The following SLC2A14 variants were observed in gnomAD, a reference collection of about 807,000 sequenced individuals.
The protein encoded by SLC2A14 is solute carrier family 2, facilitated glucose transporter member 14.
A neutral mutation model predicts 43.0 loss-of-function variants in SLC2A14; 13 were observed. That is an observed-to-expected ratio of 0.30 (90% CI 0.20 to 0.48). The LOEUF (loss-of-function observed/expected upper bound fraction) is 0.48. Ranked by LOEUF, SLC2A14 falls within the 20% of genes least tolerant of loss-of-function variation. The probability of loss-of-function intolerance (pLI) is 0.99; values close to 1 mark genes in which losing one functional copy is unlikely to be tolerated. For missense variants in SLC2A14, 428 were observed against 620.4 expected (o/e 0.69, Z 3.29); for synonymous variants, 190 against 233.8 (o/e 0.81, Z 1.71).
At chr12:7,821,410 T>C in intron 7 of SLC2A14, 85 bp from the exon 8 acceptor site, 2 of 1,248,396 alleles carry the variant, frequency 1.6e-6, no homozygotes, top group Non-Finnish European at 2.3e-6. Context: ...AGGCTGAGCG[T>C]GGTTGCACAG....
chr12:7,883,135 G>T (rs1945617500), intron 1 of SLC2A14, among the ~76,000 whole-genome samples: 1 of 151,790 alleles, frequency 6.6e-6, no homozygotes, highest in Non-Finnish European at 1.5e-5. Context: ...CTGGAACCCA[G>T]AAGTCAGAGG....
upstream of SLC2A14, among the ~76,000 whole-genome samples, chr12:7,877,468 C>T (rs1003866313): frequency 1.3e-5 from 2 of 151,788 alleles, no homozygotes; most frequent in South Asian, 2.1e-4. Flanking sequence ...CCTTGTTGCC[C>T]GGGCTAGAAT....
chr12:7,841,984 A>T (rs1337818552), intron 2 of SLC2A14, among the ~76,000 whole-genome samples: 1 of 151,818 alleles, frequency 6.6e-6, no homozygotes, highest in Non-Finnish European at 1.5e-5. Context: ...CAGCCTGGGC[A>T]ACAAGAGCGA....
chr12:7,883,263 CTT>C (rs372464881), intron 1 of SLC2A14, among the ~76,000 whole-genome samples: 43,523 of 107,162 alleles, frequency 0.41, 8,026 homozygotes, highest in Middle Eastern at 0.53. Flanking sequence ...TTCTTTCTTT[CTT>C]TTTTTTTTTT....
At chr12:7,855,892 C>T (rs1394513330) in intron 2 of SLC2A14, among the ~76,000 whole-genome samples, 1 of 152,084 alleles carries the variant, frequency 6.6e-6, no homozygotes, top group Non-Finnish European at 1.5e-5. Context: ...GCCTCAGCCT[C>T]CCAAAGTGCT....
chr12:7,824,851 C>T (rs941916807), intron 7 of SLC2A14, among the ~76,000 whole-genome samples: 37 of 151,858 alleles, frequency 2.4e-4, no homozygotes, highest in Non-Finnish European at 1.3e-4. Flanking sequence ...GCATCCACCA[C>T]GCCCGGCTAA....
intron 1 of SLC2A14, chr12:7,890,899 T>C: frequency 7.3e-7 from 1 of 1,371,066 alleles, no homozygotes; most frequent in Non-Finnish European, 9.7e-7. Context: ...CTGTGCTGAT[T>C]AAGAGAGACA....
At chr12:7,881,764 C>T (rs1273270823) in intron 1 of SLC2A14, among the ~76,000 whole-genome samples, 6 of 152,266 alleles carry the variant, frequency 3.9e-5, no homozygotes, top group South Asian at 4.1e-4. Flanking sequence ...CTTGGAGAAC[C>T]TTTATGTCTA....
intron 1 of SLC2A14, among the ~76,000 whole-genome samples, chr12:7,886,272 C>T (rs546282110): frequency 4.8e-4 from 72 of 150,084 alleles, no homozygotes; most frequent in Non-Finnish European, 8.6e-4. Context: ...AAGGATCCTC[C>T]CACCTCAGCC....
rs1337972309 is a variant in SLC2A14 at position 7,830,001 on chromosome 12, T to C, written c.278A>G (p.Asn93Ser). 6.2e-7 allele frequency: 1 copy of C among 1,614,182 alleles called. No individual in the cohort carries two copies. The highest frequency in any genetic ancestry group is 1.1e-5 in the South Asian group (1 of 91,076). ...GLFVNRFGRR[N>S]SMLIVNLLAA... ...CAACAGGTTGACAATCAGCATTGAA[T>C]TGCGCCTGTAAGGTTAATCAAAGAC... is the stretch of plus-strand genomic sequence containing the variant. Residue 93 changes from asparagine (N) to serine (S), a missense_variant, in exon 5 of 11, where the codon AAT (asparagine) becomes AGT (serine). Asn to Ser is a conservative substitution (Grantham distance 46). Around this residue, in one of 4 missense-constraint regions of SLC2A14, gnomAD observed 122 missense variants for 128.8 expected, o/e 0.95. Transcript: ENST00000431042.
rs575277928 is a variant in SLC2A14, at chr12:7,821,827, T to TTC, written c.865-503_865-502insGA. 6.0e-3 allele frequency among the ~76,000 whole-genome samples: 871 copies of TTC among 144,522 alleles called. 5 individuals are homozygous for TTC. Among genetic ancestry groups the TTC allele is most frequent in the Middle Eastern group, 0.035 (10 of 284 alleles). 94.8% of individuals were successfully genotyped at this position (144,522 alleles called of 152,430 possible). The stretch of plus-strand genomic sequence containing the variant: ...CCAGCTAATTTTTGTATTTCTTTCT[T>TTC]TTTTTTTTTTTTTTTGAGATGGAGT... On this transcript the variant is annotated intron_variant, in intron 7 of 10. Coordinates refer to ENST00000431042, the MANE Select transcript of SLC2A14 (RefSeq NM_001286234.2).
upstream of SLC2A14, chr12:7,873,003 C>G (rs910398094): frequency 6.1e-6 from 6 of 985,486 alleles, no homozygotes; most frequent in African/African-American, 1.0e-4. Flanking sequence ...CCTCCGTAAG[C>G]AAGACAAGCA....
chr12:7,874,799 A>AC (rs200733431), upstream of SLC2A14, among the ~76,000 whole-genome samples: 68,557 of 100,326 alleles, frequency 0.68, 26,433 homozygotes, highest in East Asian at 0.89. Flanking sequence ...ATATATAAAT[A>AC]ATATATAAAT....
chr12:7,884,842 AAAAT>A (rs1261884804), intron 1 of SLC2A14, among the ~76,000 whole-genome samples: 1 of 152,178 alleles, frequency 6.6e-6, no homozygotes, highest in Non-Finnish European at 1.5e-5. Flanking sequence ...CTAGGAGTTA[AAAAT>A]AAATCCCTTT....
At chr12:7,832,108 A>AAAAC (rs974092235) in intron 3 of SLC2A14, among the ~76,000 whole-genome samples, 15 of 152,242 alleles carry the variant, frequency 9.9e-5, no homozygotes, top group African/African-American at 2.7e-4. Flanking sequence ...ACTACATCTC[A>AAAAC]AAACAAACAA....
intron 7 of SLC2A14, 47 bp from the exon 8 acceptor site, chr12:7,821,372 C>G (rs1287376186): frequency 2.0e-6 from 3 of 1,507,798 alleles, no homozygotes; most frequent in Non-Finnish European, 2.8e-6. Flanking sequence ...CTGCACACCA[C>G]TTACACAGAA....
chr12:7,834,646 C>G (rs1865296768), intron 2 of SLC2A14, among the ~76,000 whole-genome samples: 1 of 149,960 alleles, frequency 6.7e-6, no homozygotes, highest in African/African-American at 2.5e-5. Flanking sequence ...GTGGGAGGAT[C>G]ACTTGAGCCC....
At chr12:7,862,423 G>C (rs934485739) in intron 2 of SLC2A14, among the ~76,000 whole-genome samples, 4 of 152,068 alleles carry the variant, frequency 2.6e-5, no homozygotes, top group South Asian at 4.1e-4. Context: ...GCCTTCCCAC[G>C]GGGCAGGGCT....
rs141777519 is a variant in SLC2A14, at chr12:7,867,789, G to A, written c.18+2074C>T. Among the ~76,000 whole-genome samples, 106 of 150,238 alleles carry A rather than the reference G, an allele frequency of 7.1e-4. 1 individual carries two copies. In the East Asian group the frequency reaches 0.018, roughly 26 times the overall value. ...GAACCTGGGAGGTGGAGGTTGCAGT[G>A]AGCCGAGATCGTTCCACTGCACTCC... On this transcript the variant is annotated intron_variant, in intron 2 of 10. Transcript: ENST00000431042.
Sources: gnomAD v4.1 joint callset for allele counts (sites outside exome capture counted in the v4.1 genomes callset) on GRCh38, gnomAD v4.1.1 for gene constraint, gnomAD v4.1.1 regional missense constraint, MANE v1.5 for transcripts, NCBI Gene and HGNC (gene_info 2026-07-23, HGNC 2026-07-21) for gene names.